The following SKAP1 variants were observed in gnomAD, a reference collection of about 807,000 sequenced individuals.
SKAP1 encodes the protein src kinase associated phosphoprotein 1, also known as src kinase-associated phosphoprotein 1.
In SKAP1, 44 loss-of-function variants were observed where a neutral mutation model predicts 58.5. The ratio of observed to expected loss-of-function variants is 0.75; its 90% CI spans 0.59 to 0.97. The LOEUF (loss-of-function observed/expected upper bound fraction) is 0.97. Among genes scored for constraint, SKAP1 ranks in the 50% least tolerant of loss-of-function variants. SKAP1 has a pLI of 0.00. For missense variants in SKAP1, 390 were observed against 435.2 expected (o/e 0.90, Z 0.92); for synonymous variants, 127 against 149.7 (o/e 0.85, Z 1.11).
At chr17:48,266,497 TTTC>T (rs1007744796) in intron 4 of SKAP1, among the ~76,000 whole-genome samples, 3 of 151,784 alleles carry the variant, frequency 2.0e-5, no homozygotes, top group African/African-American at 7.3e-5. Context: ...CTTTTCTTTT[TTTC>T]TTTTCTTACT....
chr17:48,359,901 G>A (rs1445849714), intron 3 of SKAP1, among the ~76,000 whole-genome samples: 1 of 151,984 alleles, frequency 6.6e-6, no homozygotes, highest in Non-Finnish European at 1.5e-5. Context: ...CACTGTGCCT[G>A]GCCTGCCAGG....
At chr17:48,258,693 C>A (rs1159043089) in intron 4 of SKAP1, among the ~76,000 whole-genome samples, 2 of 152,136 alleles carry the variant, frequency 1.3e-5, no homozygotes, top group Non-Finnish European at 2.9e-5. Context: ...AGCTATGGAA[C>A]ACACAGCAAA....
At position 48,189,605 on chromosome 17, in the gene SKAP1, A is replaced by C. The variant is rs1024769594; in HGVS notation, c.281-105T>G. 5.5e-6 allele frequency: 4 copies of C among 722,720 alleles called. No homozygotes were observed. In the African/African-American group the frequency reaches 7.1e-5, roughly 13 times the overall value. The allele number at this position is 722,720 out of a possible 1,614,324, so 44.8% of individuals were successfully genotyped here. ...TTAATAACAGAGTACAAAAAGGGCA[A>C]TTGCTTAAACACAGTACAAAATAAA... On this transcript the variant is annotated intron_variant, in intron 4 of 12. Coordinates refer to ENST00000336915, the MANE Select transcript of SKAP1 (RefSeq NM_003726.4).
chr17:48,189,024 A>G (rs537717006), intron 5 of SKAP1, among the ~76,000 whole-genome samples: 2 of 152,264 alleles, frequency 1.3e-5, no homozygotes, highest in African/African-American at 4.8e-5. Context: ...ACAAAAAACA[A>G]AAGAGTTGGG....
At chr17:48,429,028 G>A (rs1305114520) in intron 1 of SKAP1, among the ~76,000 whole-genome samples, 4 of 152,094 alleles carry the variant, frequency 2.6e-5, no homozygotes, top group Admixed American at 1.3e-4. Context: ...CATTTATACC[G>A]AGATAACAAG....
intron 4 of SKAP1, among the ~76,000 whole-genome samples, chr17:48,322,368 C>A (rs1230269496): frequency 2.6e-5 from 4 of 152,098 alleles, no homozygotes; most frequent in African/African-American, 9.7e-5. Flanking sequence ...TATTTAGACC[C>A]ATTTCATTTG....
rs1476588641 is a variant in SKAP1 at position 48,372,709 on chromosome 17, TAGC to T, written c.153-8898_153-8896del. On this transcript the variant is annotated intron_variant, in intron 2 of 12. Coordinates refer to ENST00000336915, the MANE Select transcript of SKAP1 (RefSeq NM_003726.4). ...AGGCTGGAATGCAGTGGTGCAATCA[TAGC>T]TTATTGTAAACTTGAACTCCTGGGC... Among the ~76,000 whole-genome samples the T allele has an allele frequency of 2.0e-5, 3 of 152,318 alleles. No homozygotes were observed. In the East Asian group the frequency reaches 5.8e-4, roughly 29 times the overall value.
At chr17:48,411,857 C>T (rs1212247919) in intron 1 of SKAP1, among the ~76,000 whole-genome samples, 1 of 152,162 alleles carries the variant, frequency 6.6e-6, no homozygotes, top group African/African-American at 2.4e-5. Context: ...CAAGAAAGGT[C>T]TGGGAAACTG....
chr17:48,231,291 G>T (rs1463991131), intron 4 of SKAP1, among the ~76,000 whole-genome samples: 1 of 152,062 alleles, frequency 6.6e-6, no homozygotes, highest in South Asian at 2.1e-4. Context: ...GTTTGAGAGA[G>T]ATCTTCACAC....
intron 4 of SKAP1, among the ~76,000 whole-genome samples, chr17:48,227,469 G>A (rs2065082647): frequency 6.6e-6 from 1 of 152,062 alleles, no homozygotes; most frequent in African/African-American, 2.4e-5. Context: ...GTACAGAAAG[G>A]GACTGAAAAA....
At chr17:48,251,329 C>T (rs2065361017) in intron 4 of SKAP1, among the ~76,000 whole-genome samples, 2 of 152,160 alleles carry the variant, frequency 1.3e-5, no homozygotes, top group African/African-American at 4.8e-5. Context: ...TATAGAATCA[C>T]CTCCAAATGT....
chr17:48,320,868 T>C (rs1429597088), intron 4 of SKAP1, among the ~76,000 whole-genome samples: 1 of 152,216 alleles, frequency 6.6e-6, no homozygotes, highest in African/African-American at 2.4e-5. Context: ...TTAACTGTTA[T>C]GCTGGGCAAG....
intron 4 of SKAP1, among the ~76,000 whole-genome samples, chr17:48,307,099 A>G (rs764593314): frequency 2.0e-5 from 3 of 152,222 alleles, no homozygotes; most frequent in Non-Finnish European, 2.9e-5. Context: ...ATATTTTATT[A>G]TAGTAGTAGA....
intron 2 of SKAP1, among the ~76,000 whole-genome samples, chr17:48,384,685 C>G (rs1185232061): frequency 7.2e-5 from 11 of 152,154 alleles, no homozygotes; most frequent in Admixed American, 7.2e-4. Flanking sequence ...CTAGACCAAG[C>G]ACTGGCAAAG....
intron 4 of SKAP1, among the ~76,000 whole-genome samples, chr17:48,214,260 G>T (rs1181450857): frequency 6.6e-6 from 1 of 152,140 alleles, no homozygotes; most frequent in African/African-American, 2.4e-5. Context: ...GAACAGAAAG[G>T]ATCACAGGTT....
chr17:48,248,718 A>C (rs2065326422), intron 4 of SKAP1, among the ~76,000 whole-genome samples: 1 of 152,244 alleles, frequency 6.6e-6, no homozygotes, highest in Non-Finnish European at 1.5e-5. Context: ...TTATGCAGTC[A>C]ACATGTGATA....
chr17:48,208,128 G>A (rs1031082013), intron 4 of SKAP1, among the ~76,000 whole-genome samples: 15 of 152,278 alleles, frequency 9.9e-5, no homozygotes, highest in East Asian at 1.9e-4. Context: ...AGTGGAAATC[G>A]TGTTTTCAGA....
chr17:48,414,762 C>A (rs1266945655), intron 1 of SKAP1, among the ~76,000 whole-genome samples: 3 of 152,064 alleles, frequency 2.0e-5, no homozygotes, highest in Admixed American at 2.0e-4. Flanking sequence ...CACACCCCAG[C>A]GAAAAACTGC....
At chr17:48,319,830 A>G (rs1291373693) in intron 4 of SKAP1, among the ~76,000 whole-genome samples, 1 of 152,206 alleles carries the variant, frequency 6.6e-6, no homozygotes, top group Non-Finnish European at 1.5e-5. Flanking sequence ...TGACAGAGTG[A>G]GACCGTGTCT....
Sources: gnomAD v4.1 joint callset for allele counts (sites outside exome capture counted in the v4.1 genomes callset) on GRCh38, gnomAD v4.1.1 for gene constraint, MANE v1.5 for transcripts, NCBI Gene and HGNC (gene_info 2026-07-23, HGNC 2026-07-21) for gene names.